EIF2AK2: variants seen among roughly 807,000 people sequenced by gnomAD.
EIF2AK2 encodes interferon-induced, double-stranded RNA-activated protein kinase.
In EIF2AK2, 40 loss-of-function variants were observed where a neutral mutation model predicts 70.5. The ratio of observed to expected loss-of-function variants is 0.57; its 90% CI spans 0.44 to 0.74. EIF2AK2 has a LOEUF of 0.74. EIF2AK2 is among the 30% of genes least tolerant of loss of function. The pLI is 0.00. For missense variants in EIF2AK2, 555 were observed against 644.3 expected (o/e 0.86, Z 1.50); for synonymous variants, 198 against 220.9 (o/e 0.90, Z 0.92).
At chr2:37,134,896 G>T (rs925534765) in intron 10 of EIF2AK2, among the ~76,000 whole-genome samples, 1 of 152,140 alleles carries the variant, frequency 6.6e-6, no homozygotes, top group Admixed American at 6.6e-5. Context: ...CATCCAATAC[G>T]TTAGGAAGAG....
At chr2:37,144,474 C>T (rs554498990) in intron 4 of EIF2AK2, among the ~76,000 whole-genome samples, 1 of 152,152 alleles carries the variant, frequency 6.6e-6, no homozygotes, top group South Asian at 2.1e-4. Context: ...TGTTATTGCT[C>T]CTGAACACTT....
chr2:37,142,431 C>T (rs1675368134), intron 4 of EIF2AK2, among the ~76,000 whole-genome samples: 1 of 152,040 alleles, frequency 6.6e-6, no homozygotes, highest in Non-Finnish European at 1.5e-5. Context: ...CCACACCCGG[C>T]TGAGTTTTGC....
At position 37,138,496 on chromosome 2, in the gene EIF2AK2, T is replaced by C. The variant is rs1339401652; in HGVS notation, c.593+13A>G. Reference sequence around the variant, plus strand: ...GAATATGTTAAGTATCTCAATTGTTTGTCTACACTTACAGTGTGCTGGTCA... The same window carrying C: ...GAATATGTTAAGTATCTCAATTGTTCGTCTACACTTACAGTGTGCTGGTCA... On this transcript the variant is annotated intron_variant, in intron 7 of 16. Transcript: ENST00000233057. 6.2e-7 allele frequency: 1 copy of C among 1,613,048 alleles called. No individual in the cohort carries two copies. Among genetic ancestry groups the C allele is most frequent in the Non-Finnish European group, 8.5e-7 (1 of 1,179,500 alleles).
intron 11 of EIF2AK2, among the ~76,000 whole-genome samples, chr2:37,124,791 G>A (rs1296169193): frequency 1.3e-5 from 2 of 150,288 alleles, no homozygotes; most frequent in Admixed American, 6.6e-5. Context: ...GCAGTGGTGT[G>A]ACCATGGCTC....
chr2:37,135,942 C>A (rs992895415), intron 9 of EIF2AK2, among the ~76,000 whole-genome samples: 1 of 152,186 alleles, frequency 6.6e-6, no homozygotes, highest in African/African-American at 2.4e-5. Context: ...CAACTTTTTT[C>A]TTTATAAAAC....
chr2:37,125,775 T>C (rs1055034246), intron 11 of EIF2AK2, among the ~76,000 whole-genome samples: 1 of 152,178 alleles, frequency 6.6e-6, no homozygotes, highest in Admixed American at 6.5e-5. Flanking sequence ...GAGACAACAA[T>C]AAATTGCTGT....
Position 37,107,042 on chromosome 2 carries a change from T to TAAAA in EIF2AK2, c.*227_*230dup, listed in dbSNP as rs34203821. The stretch of plus-strand genomic sequence containing the variant: ...GGGCAACAGAGCGAGACTCTGTCTT[T>TAAAA]AAAAAAAAAAAAAGAATAAAGAGAT... On this transcript the variant is annotated 3_prime_UTR_variant, in exon 17 of 17. Transcript: ENST00000233057. 3.3e-5 allele frequency: 10 copies of TAAAA among 307,590 alleles called. No individual in the cohort carries two copies. Among genetic ancestry groups the TAAAA allele is most frequent in the East Asian group, 1.6e-4 (2 of 12,900 alleles). The allele number at this position is 307,590 out of a possible 1,614,324, so 19.1% of individuals were successfully genotyped here. A position where few individuals can be genotyped will look rare whatever the true frequency, so the allele number is the denominator to read the frequency against.
chr2:37,101,342 T>C lies in EIF2AK2; in HGVS notation c.*5931A>G, dbSNP rs1300911804. 1 of 152,234 alleles carries C rather than the reference T, an allele frequency of 6.6e-6. No individual in the cohort carries two copies. Among genetic ancestry groups the C allele is most frequent in the Non-Finnish European group, 1.5e-5 (1 of 68,046 alleles). The allele number at this position is 152,234 out of a possible 1,614,324, so 9.4% of individuals were successfully genotyped here. On this transcript the variant is annotated 3_prime_UTR_variant, in exon 17 of 17. Transcript: ENST00000233057. ...TAGATGATAAATGCAAGAGGTTTGATAGAACCAGAAAATCACTATTTTACA... is the reference window on the plus strand; with the variant it reads ...TAGATGATAAATGCAAGAGGTTTGACAGAACCAGAAAATCACTATTTTACA...
In EIF2AK2 at chr2:37,101,308, G is replaced by A. The variant is rs756596697; in HGVS notation, c.*5965C>T. The A allele has an allele frequency of 6.6e-6, 1 of 152,158 alleles. No homozygotes were observed. The highest frequency in any genetic ancestry group is 2.4e-5 in the African/African-American group (1 of 41,436). The allele number at this position is 152,158 out of a possible 1,614,324, so 9.4% of individuals were successfully genotyped here. ...TCAGATTTAGAGAAAGTTCCTTAAA[G>A]AAGAATCATAGATGATAAATGCAAG... On this transcript the variant is annotated 3_prime_UTR_variant, in exon 17 of 17. Coordinates refer to ENST00000233057, the MANE Select transcript of EIF2AK2 (RefSeq NM_001135651.3).
intron 9 of EIF2AK2, among the ~76,000 whole-genome samples, chr2:37,136,450 T>A (rs1675129093): frequency 6.6e-6 from 1 of 152,202 alleles, no homozygotes; most frequent in South Asian, 2.1e-4. Flanking sequence ...TGCAGAACTC[T>A]CTTCTCTCCA....
intron 11 of EIF2AK2, among the ~76,000 whole-genome samples, chr2:37,124,951 C>T (rs1168216341): frequency 1.3e-5 from 2 of 152,038 alleles, no homozygotes. Context: ...TAGTCTCAAA[C>T]TCCTGGGCTC....
In EIF2AK2 at chr2:37,100,879, C is replaced by T. The variant is rs1393347013; in HGVS notation, c.*6394G>A. 6.6e-6 allele frequency: 1 copy of T among 152,188 alleles called. No homozygotes were observed. Among genetic ancestry groups the T allele is most frequent in the Admixed American group, 6.6e-5 (1 of 15,264 alleles). The allele number at this position is 152,188 out of a possible 1,614,324, so 9.4% of individuals were successfully genotyped here. A position where few individuals can be genotyped will look rare whatever the true frequency, so the allele number is the denominator to read the frequency against. On this transcript the variant is annotated 3_prime_UTR_variant, in exon 17 of 17. Transcript: ENST00000233057. ...GGCTTAAATTCTAAATTACTGAAAACCATGTAACAGGTAAAAGTGTGAGAC... is the reference window on the plus strand; with the variant it reads ...GGCTTAAATTCTAAATTACTGAAAATCATGTAACAGGTAAAAGTGTGAGAC...
At chr2:37,154,181 C>T (rs907616030) in intron 1 of EIF2AK2, among the ~76,000 whole-genome samples, 3 of 151,938 alleles carry the variant, frequency 2.0e-5, no homozygotes, top group Non-Finnish European at 4.4e-5. Context: ...ACAAAATTAG[C>T]CGGGGTGGTG....
intron 4 of EIF2AK2, among the ~76,000 whole-genome samples, chr2:37,146,420 C>T (rs1195636455): frequency 6.6e-6 from 1 of 152,202 alleles, no homozygotes; most frequent in Non-Finnish European, 1.5e-5. Flanking sequence ...ATTTTGGCAT[C>T]CACAGGGAGT....
At chr2:37,112,811 T>C (rs539039578) in intron 14 of EIF2AK2, among the ~76,000 whole-genome samples, 2 of 152,328 alleles carry the variant, frequency 1.3e-5, no homozygotes, top group East Asian at 3.9e-4. Flanking sequence ...TACAATTCAG[T>C]GGCATTAACT....
chr2:37,126,552 C>T (rs902430574), intron 10 of EIF2AK2, 141 bp from the exon 11 acceptor site: 19 of 1,303,246 alleles, frequency 1.5e-5, no homozygotes, highest in Admixed American at 8.9e-5. Flanking sequence ...TAAGAAAGAT[C>T]CACTTGGCAG....
In EIF2AK2 at chr2:37,139,706, A is replaced by C. The variant is rs1307477682; in HGVS notation, c.441T>G (p.Gly147=). Reference sequence around the variant, plus strand: ...ATTGTTTTGCTTCCTGTTTAGTAGAACCTGTACCAATACTATATTCTTTCT... The same window carrying C: ...ATTGTTTTGCTTCCTGTTTAGTAGACCCTGTACCAATACTATATTCTTTCT... The part of the protein sequence containing the change: ...MGQKEYSIGT[G]STKQEAKQLA... The change falls in exon 6 of 17, where the codon GGT becomes GGG. Residue 147 remains glycine, a synonymous_variant. Coordinates refer to ENST00000233057, the MANE Select transcript of EIF2AK2 (RefSeq NM_001135651.3). The C allele has an allele frequency of 3.7e-6, 6 of 1,613,938 alleles. No homozygotes were observed. The highest frequency in any genetic ancestry group is 5.1e-6 in the Non-Finnish European group (6 of 1,179,904).
chr2:37,133,421 C>T (rs1167725944), intron 10 of EIF2AK2, among the ~76,000 whole-genome samples: 1 of 152,164 alleles, frequency 6.6e-6, no homozygotes, highest in African/African-American at 2.4e-5. Flanking sequence ...CTCCTTTAAT[C>T]CCTTCCTACA....
chr2:37,139,182 G>A (rs1255306869), intron 6 of EIF2AK2, among the ~76,000 whole-genome samples: 3 of 151,914 alleles, frequency 2.0e-5, no homozygotes, highest in African/African-American at 7.3e-5. Context: ...GGGCACGGTA[G>A]CAGGCGCTTG....
Sources: gnomAD v4.1 joint callset for allele counts (sites outside exome capture counted in the v4.1 genomes callset) on GRCh38, gnomAD v4.1.1 for gene constraint, MANE v1.5 for transcripts, NCBI Gene and HGNC (gene_info 2026-07-23, HGNC 2026-07-21) for gene names.